DYNC2I1: variants seen among roughly 807,000 people sequenced by gnomAD.
DYNC2I1 encodes the protein cytoplasmic dynein 2 intermediate chain 1.
DYNC2I1 carries 89 observed loss-of-function variants against 133.4 expected under a neutral mutation model. The observed-to-expected ratio is 0.67, with a 90% CI of 0.56 to 0.80. The LOEUF is 0.80. Among genes scored for constraint, DYNC2I1 ranks in the 30% least tolerant of loss-of-function variants. DYNC2I1 has a pLI of 0.00. For missense variants in DYNC2I1, 1,291 were observed against 1,314.5 expected (o/e 0.98, Z 0.28); for synonymous variants, 504 against 484.3 (o/e 1.04, Z -0.54).
At chr7:158,899,686 G>A (rs1846060826) in intron 8 of DYNC2I1, among the ~76,000 whole-genome samples, 1 of 152,188 alleles carries the variant, frequency 6.6e-6, no homozygotes, top group Admixed American at 6.5e-5. Flanking sequence ...TACATCTCAT[G>A]AGATCTGATG....
intron 20 of DYNC2I1, among the ~76,000 whole-genome samples, chr7:158,929,318 G>A (rs1020318949): frequency 6.6e-6 from 1 of 152,258 alleles, no homozygotes; most frequent in Non-Finnish European, 1.5e-5. Flanking sequence ...CAGGAGACCT[G>A]GGCGAAGACC....
chr7:158,863,629 G>C (rs116923204), intron 1 of DYNC2I1, among the ~76,000 whole-genome samples: 2,719 of 110,206 alleles, frequency 0.025, 67 homozygotes, highest in Non-Finnish European at 0.038. Flanking sequence ...GTGTGTTTGG[G>C]GGGGGCGGTG....
At chr7:158,839,602 G>A in the DYNC2I1 span, among the ~76,000 whole-genome samples, 2 of 151,968 alleles carry the variant, frequency 1.3e-5, no homozygotes, top group African/African-American at 4.8e-5. Context: ...GGTGGATCAC[G>A]AGGTCAGGAG....
In DYNC2I1 at chr7:158,926,982, C is replaced by T; in HGVS notation, c.2434-10C>T. 1 of 1,589,892 alleles carries T rather than the reference C, an allele frequency of 6.3e-7. No homozygotes were observed. Among genetic ancestry groups the T allele is most frequent in the South Asian group, 1.1e-5 (1 of 88,036 alleles). On this transcript the variant is annotated splice_polypyrimidine_tract_variant and intron_variant, in intron 19 of 24. Coordinates refer to ENST00000407559, the MANE Select transcript of DYNC2I1 (RefSeq NM_018051.5). ...TGTATCAATATTCATTTTCAATATT[C>T]TGTTTTTAGGTGGTTGTTGAATTAC...
intron 23 of DYNC2I1, among the ~76,000 whole-genome samples, chr7:158,940,596 A>G (rs1851244536): frequency 6.6e-6 from 1 of 152,216 alleles, no homozygotes; most frequent in South Asian, 2.1e-4. Flanking sequence ...GCCCCAGACA[A>G]GTCGTACAAA....
intron 8 of DYNC2I1, among the ~76,000 whole-genome samples, chr7:158,899,206 T>C (rs1353602242): frequency 2.6e-5 from 4 of 152,250 alleles, no homozygotes; most frequent in Non-Finnish European, 4.4e-5. Context: ...ATAGTTGTTA[T>C]ACTGTATTTT....
chr7:158,868,546 C>T (rs974203574), intron 1 of DYNC2I1, among the ~76,000 whole-genome samples: 15 of 152,222 alleles, frequency 9.9e-5, no homozygotes, highest in African/African-American at 2.7e-4. Context: ...GTTTTATCTG[C>T]GCAGCCCCAG....
intron 11 of DYNC2I1, among the ~76,000 whole-genome samples, chr7:158,907,827 G>C (rs1230833591): frequency 6.6e-6 from 1 of 151,700 alleles, no homozygotes. Context: ...TGCCCAGGCT[G>C]GTCTTGAACT....
chr7:158,921,915 C>T (rs193114292), intron 15 of DYNC2I1, among the ~76,000 whole-genome samples: 48 of 152,324 alleles, frequency 3.2e-4, no homozygotes, highest in South Asian at 1.5e-3. Context: ...AGTCCCTCGC[C>T]GGGTGGAGCA....
intron 10 of DYNC2I1, chr7:158,905,175 A>G (rs1316177381): frequency 1.1e-5 from 4 of 369,122 alleles, no homozygotes; most frequent in South Asian, 2.0e-5. Flanking sequence ...GAGTCTCACT[A>G]TGTCTCCCGT....
chr7:158,890,996 C>T (rs1278042771), intron 7 of DYNC2I1, among the ~76,000 whole-genome samples: 2 of 152,254 alleles, frequency 1.3e-5, no homozygotes, highest in East Asian at 3.8e-4. Flanking sequence ...ATCCACTCCT[C>T]TCACTGCTAC....
At chr7:158,940,640 T>C (rs1264722695) in intron 23 of DYNC2I1, among the ~76,000 whole-genome samples, 3 of 152,190 alleles carry the variant, frequency 2.0e-5, no homozygotes, top group Non-Finnish European at 4.4e-5. Flanking sequence ...GAGTATCTTA[T>C]GATTATCATG....
intron 8 of DYNC2I1, among the ~76,000 whole-genome samples, chr7:158,892,794 A>C (rs1845361665): frequency 2.6e-5 from 4 of 152,040 alleles, no homozygotes; most frequent in Admixed American, 1.3e-4. Context: ...TACAAAAATT[A>C]GCTGGGTGTG....
intron 10 of DYNC2I1, 99 bp from the exon 11 acceptor site, chr7:158,905,890 A>T: frequency 1.2e-6 from 1 of 837,800 alleles, no homozygotes; most frequent in South Asian, 1.7e-5. Flanking sequence ...TATTGACTAT[A>T]ATTGTTATAT....
intron 7 of DYNC2I1, among the ~76,000 whole-genome samples, chr7:158,889,062 CACA>C (rs1212673061): frequency 7.1e-4 from 102 of 142,706 alleles, no homozygotes; most frequent in African/African-American, 2.2e-3. Context: ...CACACACACA[CACA>C]CCCCTCCTGT....
At chr7:158,934,893 A>G (rs772140437) in intron 23 of DYNC2I1, among the ~76,000 whole-genome samples, 19 of 152,268 alleles carry the variant, frequency 1.2e-4, no homozygotes, top group Non-Finnish European at 2.5e-4. Flanking sequence ...TTAATCATTT[A>G]CTAGAGCACA....
At chr7:158,952,244 C>T (rs547682418) in intron 4 of DYNC2I1, among the ~76,000 whole-genome samples, 1 of 152,316 alleles carries the variant, frequency 6.6e-6, no homozygotes, top group African/African-American at 2.4e-5. Context: ...TGGGCAGGTT[C>T]CTCCCACCTT....
At chr7:158,925,143 T>C (rs1480589223) in intron 17 of DYNC2I1, among the ~76,000 whole-genome samples, 2 of 152,210 alleles carry the variant, frequency 1.3e-5, no homozygotes, top group African/African-American at 4.8e-5. Flanking sequence ...ATTCAGACCA[T>C]GAGTCAGAGG....
chr7:158,871,566 G>T lies in DYNC2I1; in HGVS notation c.490+4G>T. 6.6e-7 allele frequency: 1 copy of T among 1,525,108 alleles called. No individual in the cohort carries two copies. The allele number at this position is 1,525,108 out of a possible 1,614,324, so 94.5% of individuals were successfully genotyped here. ...GCGGAGAGGAAAGGCCGCTCAGGTG[G>T]GTCCCCGCTTGCCTTCCTGTGGTTC... On this transcript the variant is annotated splice_donor_region_variant and intron_variant, in intron 3 of 24. Coordinates refer to ENST00000407559, the MANE Select transcript of DYNC2I1 (RefSeq NM_018051.5).
Sources: gnomAD v4.1 joint callset for allele counts (sites outside exome capture counted in the v4.1 genomes callset) on GRCh38, gnomAD v4.1.1 for gene constraint, MANE v1.5 for transcripts, NCBI Gene and HGNC (gene_info 2026-07-23, HGNC 2026-07-21) for gene names.